Variants in TRIM44 observed in about 807,000 individuals in gnomAD.
TRIM44 encodes tripartite motif-containing protein 44.
In TRIM44, 13 loss-of-function variants were observed where a neutral mutation model predicts 37.4. That is an observed-to-expected ratio of 0.35 (90% CI 0.23 to 0.55). The LOEUF (loss-of-function observed/expected upper bound fraction) is 0.55, where lower values mean the gene tolerates loss of function less well. Ranked by LOEUF, TRIM44 falls within the 20% of genes least tolerant of loss-of-function variation. The probability of loss-of-function intolerance (pLI) is 0.89; values close to 1 mark genes in which losing one functional copy is unlikely to be tolerated. For missense variants in TRIM44, 426 were observed against 437.2 expected (o/e 0.97, Z 0.23); for synonymous variants, 175 against 157.2 (o/e 1.11, Z -0.85).
At chr11:35,681,952 C>CTT (rs35760830) in intron 1 of TRIM44, among the ~76,000 whole-genome samples, 38 of 101,364 alleles carry the variant, frequency 3.7e-4, no homozygotes, top group Non-Finnish European at 5.1e-4. Context: ...ATGTCCCATA[C>CTT]TTTTTTTTTT....
chr11:35,759,901 C>A lies in TRIM44; in HGVS notation c.1007+24456C>A, dbSNP rs148319451. Among the ~76,000 whole-genome samples the A allele has an allele frequency of 2.2e-4, 34 of 152,304 alleles. No homozygotes were observed. In the East Asian group the frequency reaches 3.5e-3, roughly 16 times the overall value. ...CCCAGCCGTGTGAGGTGTCAGTCTGCCCTTACTGGGGGCTGTCTCCCAGTT... is the reference window on the plus strand; with the variant it reads ...CCCAGCCGTGTGAGGTGTCAGTCTGACCTTACTGGGGGCTGTCTCCCAGTT... On this transcript the variant is annotated intron_variant, in intron 4 of 4. Coordinates refer to ENST00000299413, the MANE Select transcript of TRIM44 (RefSeq NM_017583.6).
At chr11:35,698,935 T>G (rs1486742860) in intron 2 of TRIM44, among the ~76,000 whole-genome samples, 64 of 133,008 alleles carry the variant, frequency 4.8e-4, no homozygotes, top group African/African-American at 1.8e-3. Flanking sequence ...ATGTAAGTCT[T>G]TAATCCATCT....
Position 35,685,286 on chromosome 11 carries a change from G to A in TRIM44, c.697G>A (p.Ala233Thr), listed in dbSNP as rs778441144. ...RSKDSGGLKA[A>T]MIELVERLKF... ...CAAAGACTCAGGTGGACTGAAGGCC[G>A]CTATGATCGAATTGGTGGAAAGGTT... Residue 233 changes from alanine (A) to threonine (T), a missense_variant, in exon 2 of 5, where the codon GCT becomes ACT. Physicochemically the swap from Ala to Thr is moderately conservative, Grantham distance 58 (BLOSUM62 0). This residue lies in a region of TRIM44 where 331 missense variants were observed against 303.0 expected (regional missense o/e 1.09). Transcript: ENST00000299413. The A allele has an allele frequency of 1.1e-5, 18 of 1,614,202 alleles. No homozygotes were observed. Among genetic ancestry groups the A allele is most frequent in the East Asian group, 4.5e-5 (2 of 44,878 alleles).
In TRIM44 at chr11:35,813,028, G is replaced by A. The variant is rs1853544821; in HGVS notation, c.*6643G>A. 6.6e-6 allele frequency: 1 copy of A among 152,152 alleles called. No homozygotes were observed. The highest frequency in any genetic ancestry group is 2.1e-4 in the South Asian group (1 of 4,822). The allele number at this position is 152,152 out of a possible 1,614,324, so 9.4% of individuals were successfully genotyped here. ...TGTGATTTAATTAAACATGTTGAAG[G>A]CTCTCCAACAGCTTGACGTCAGGCC... On this transcript the variant is annotated 3_prime_UTR_variant, in exon 5 of 5. Coordinates refer to ENST00000299413, the MANE Select transcript of TRIM44 (RefSeq NM_017583.6).
chr11:35,741,171 A>G (rs1401407525), intron 4 of TRIM44, among the ~76,000 whole-genome samples: 1 of 152,180 alleles, frequency 6.6e-6, no homozygotes, highest in Non-Finnish European at 1.5e-5. Flanking sequence ...ACTGCTTATT[A>G]TGCAAAGTGG....
In TRIM44 at chr11:35,709,473, A is replaced by G. The variant is rs567121362; in HGVS notation, c.748-16451A>G. On this transcript the variant is annotated intron_variant, in intron 2 of 4. Transcript: ENST00000299413. ...TTTAAGAGCTAAATTTTATACCCCTAAAATATTACCATTTGCTGTCAGTTT... is the reference window on the plus strand; with the variant it reads ...TTTAAGAGCTAAATTTTATACCCCTGAAATATTACCATTTGCTGTCAGTTT... Among the ~76,000 whole-genome samples, 4 of 152,288 alleles carry G rather than the reference A, an allele frequency of 2.6e-5. No individual in the cohort carries two copies. The South Asian group carries it at 6.2e-4, about 24-fold the overall frequency.
At chr11:35,696,136 A>ATTTTTTT (rs1197445648) in intron 2 of TRIM44, among the ~76,000 whole-genome samples, 1 of 138,298 alleles carries the variant, frequency 7.2e-6, no homozygotes, top group East Asian at 2.1e-4. Flanking sequence ...GATGAGTCAA[A>ATTTTTTT]TTTTTTTTTT....
chr11:35,709,775 G>A (rs903547329), intron 2 of TRIM44, among the ~76,000 whole-genome samples: 7 of 152,116 alleles, frequency 4.6e-5, no homozygotes, highest in African/African-American at 1.7e-4. Flanking sequence ...ACTCCTGGGG[G>A]TCGTTAGAAG....
intron 4 of TRIM44, among the ~76,000 whole-genome samples, chr11:35,744,184 A>G (rs930520411): frequency 6.6e-6 from 1 of 152,194 alleles, no homozygotes; most frequent in Non-Finnish European, 1.5e-5. Flanking sequence ...TCATTTCCCT[A>G]TTAGAGTAGC....
At chr11:35,735,362 G>T in intron 3 of TRIM44, 64 bp from the exon 4 acceptor site, 2 of 1,581,640 alleles carry the variant, frequency 1.3e-6, no homozygotes, top group Non-Finnish European at 8.7e-7. Context: ...GGAAAAGAAA[G>T]AAATCTGACT....
At chr11:35,776,658 G>A (rs1343953936) in intron 4 of TRIM44, among the ~76,000 whole-genome samples, 2 of 152,180 alleles carry the variant, frequency 1.3e-5, no homozygotes, top group East Asian at 1.9e-4. Context: ...GGTATGTTGT[G>A]TCTTTGTTCT....
intron 2 of TRIM44, among the ~76,000 whole-genome samples, chr11:35,707,216 G>T (rs1016594049): frequency 1.3e-5 from 2 of 152,108 alleles, no homozygotes; most frequent in Admixed American, 6.6e-5. Flanking sequence ...GGGACGTGAA[G>T]GACCTCTTCA....
chr11:35,702,788 G>A (rs928248142), intron 2 of TRIM44, among the ~76,000 whole-genome samples: 6 of 152,198 alleles, frequency 3.9e-5, no homozygotes, highest in South Asian at 2.1e-4. Context: ...AAAGATGGCC[G>A]AATAGGAACA....
intron 4 of TRIM44, among the ~76,000 whole-genome samples, chr11:35,769,424 T>C (rs1284506111): frequency 6.6e-6 from 1 of 152,230 alleles, no homozygotes; most frequent in African/African-American, 2.4e-5. Context: ...CTTATGGTGC[T>C]CGCACCCTGA....
intron 4 of TRIM44, among the ~76,000 whole-genome samples, chr11:35,768,552 T>A (rs1460595532): frequency 6.6e-6 from 1 of 152,192 alleles, no homozygotes; most frequent in Non-Finnish European, 1.5e-5. Context: ...TTCAAGGGGA[T>A]CCCTGAAGAT....
intron 2 of TRIM44, among the ~76,000 whole-genome samples, chr11:35,692,306 A>G (rs773999693): frequency 2.8e-4 from 42 of 152,198 alleles, no homozygotes; most frequent in Non-Finnish European, 3.7e-4. Flanking sequence ...GGTCATGTGC[A>G]TTCTTTTGAG....
chr11:35,672,453 G>GT (rs1851406132), intron 1 of TRIM44, among the ~76,000 whole-genome samples: 1 of 152,200 alleles, frequency 6.6e-6, no homozygotes, highest in African/African-American at 2.4e-5. Context: ...AAGTGGCAAA[G>GT]GGAGAAGTGG....
At chr11:35,806,252 T>C in intron 4 of TRIM44, 106 bp from the exon 5 acceptor site, 1 of 1,263,388 alleles carries the variant, frequency 7.9e-7, no homozygotes, top group South Asian at 1.2e-5. Context: ...AGTTAAGACT[T>C]AATTCCAGGT....
At chr11:35,668,012 C>G (rs1022114209) in intron 1 of TRIM44, among the ~76,000 whole-genome samples, 3 of 152,066 alleles carry the variant, frequency 2.0e-5, no homozygotes, top group African/African-American at 7.2e-5. Context: ...TTCTTTCTCT[C>G]TTTTAATGGT....
Sources: gnomAD v4.1 joint callset for allele counts (sites outside exome capture counted in the v4.1 genomes callset) on GRCh38, gnomAD v4.1.1 for gene constraint, gnomAD v4.1.1 regional missense constraint, MANE v1.5 for transcripts, NCBI Gene and HGNC (gene_info 2026-07-23, HGNC 2026-07-21) for gene names.